AHCYL2: variants seen among roughly 807,000 people sequenced by gnomAD.
The protein encoded by AHCYL2 is S-adenosylhomocysteine hydrolase-like protein 2.
AHCYL2 carries 28 observed loss-of-function variants against 81.4 expected under a neutral mutation model. The ratio of observed to expected loss-of-function variants is 0.34; its 90% confidence interval spans 0.25 to 0.47. The LOEUF (loss-of-function observed/expected upper bound fraction) is 0.47, where lower values mean the gene tolerates loss of function less well. Ranked by LOEUF, AHCYL2 falls within the 20% of genes least tolerant of loss-of-function variation. The pLI is 1.00. For synonymous variants in AHCYL2, 272 were observed against 290.2 expected (o/e 0.94, Z 0.64); for missense variants, 551 against 785.1 (o/e 0.70, Z 3.56).
intron 1 of AHCYL2, among the ~76,000 whole-genome samples, chr7:129,304,981 C>T (rs1797382327): frequency 6.7e-6 from 1 of 148,540 alleles, no homozygotes; most frequent in Admixed American, 6.7e-5. Context: ...TTCCTATTTT[C>T]CTTTTAGTGG....
chr7:129,405,382 C>T (rs71579847), intron 8 of AHCYL2, 169 bp downstream of exon 8: 11,508 of 435,940 alleles, frequency 0.026, 221 homozygotes, highest in Admixed American at 0.065. Flanking sequence ...TTATTTTCTC[C>T]TTTGTATCTT....
chr7:129,400,177 T>C (rs17552411), intron 5 of AHCYL2, 113 bp from the exon 6 acceptor site: 195,283 of 834,924 alleles, frequency 0.23, 26,357 homozygotes, highest in Non-Finnish European at 0.28. Context: ...ATCCAAGGAG[T>C]ATAGCAGAAT....
chr7:129,233,520 G>C (rs1794522984), intron 1 of AHCYL2, among the ~76,000 whole-genome samples: 1 of 150,524 alleles, frequency 6.6e-6, no homozygotes, highest in Non-Finnish European at 1.5e-5. Context: ...ATGGAATCTT[G>C]CTCTGTCCCC....
At chr7:129,410,204 C>G (rs1227435803) in intron 11 of AHCYL2, 2 of 1,612,636 alleles carry the variant, frequency 1.2e-6, no homozygotes, top group African/African-American at 2.7e-5. Context: ...TTGTTCCCGG[C>G]TCTTGGGATC....
At chr7:129,358,765 T>G (rs1793832928) in intron 1 of AHCYL2, among the ~76,000 whole-genome samples, 1 of 151,792 alleles carries the variant, frequency 6.6e-6, no homozygotes, top group Non-Finnish European at 1.5e-5. Context: ...TTACCACAAT[T>G]TTTTTTTAAG....
chr7:129,298,219 A>G (rs1013118766), intron 1 of AHCYL2, among the ~76,000 whole-genome samples: 4 of 152,180 alleles, frequency 2.6e-5, no homozygotes, highest in African/African-American at 9.7e-5. Flanking sequence ...TTAGGTTCAT[A>G]TTATATAGGG....
In AHCYL2 at chr7:129,236,949, G is replaced by A. The variant is rs1440170075; in HGVS notation, c.363+11510G>A. Among the ~76,000 whole-genome samples the A allele has an allele frequency of 7.2e-5, 11 of 151,808 alleles. No homozygotes were observed. In the South Asian group the frequency reaches 8.3e-4, roughly 12 times the overall value. On this transcript the variant is annotated intron_variant, in intron 1 of 16. Coordinates refer to ENST00000325006, the MANE Select transcript of AHCYL2 (RefSeq NM_015328.4). ...CTGGGGATACAGCAGTAAACAAAACGGATAAAATCTCTGCCTTCGTATTGG... is the reference window on the plus strand; with the variant it reads ...CTGGGGATACAGCAGTAAACAAAACAGATAAAATCTCTGCCTTCGTATTGG...
chr7:129,359,306 G>GAC (rs1248868633), intron 1 of AHCYL2, among the ~76,000 whole-genome samples: 1 of 152,204 alleles, frequency 6.6e-6, no homozygotes, highest in African/African-American at 2.4e-5. Context: ...GATCAGTGGT[G>GAC]ACAAGAGTCA....
intron 1 of AHCYL2, among the ~76,000 whole-genome samples, chr7:129,234,315 G>T (rs2150679407): frequency 6.6e-6 from 1 of 152,148 alleles, no homozygotes; most frequent in South Asian, 2.1e-4. Flanking sequence ...CACTATCTCG[G>T]CTCACTGCAA....
At chr7:129,225,477 AG>A in intron 1 of AHCYL2, 38 bp downstream of exon 1, 1 of 1,470,284 alleles carries the variant, frequency 6.8e-7, no homozygotes, top group Admixed American at 2.5e-5. Context: ...AGAGGAAGGG[AG>A]GGGAGGGGAA....
At chr7:129,277,702 G>A (rs947355716) in intron 1 of AHCYL2, among the ~76,000 whole-genome samples, 27 of 152,134 alleles carry the variant, frequency 1.8e-4, no homozygotes, top group African/African-American at 6.5e-4. Flanking sequence ...TTGGGGAGAG[G>A]GGAGTGGGGT....
At chr7:129,413,734 C>T (rs967526333) in intron 12 of AHCYL2, 46 bp downstream of exon 12, 5 of 1,516,852 alleles carry the variant, frequency 3.3e-6, no homozygotes, top group Non-Finnish European at 4.6e-6. Context: ...CTCTCCTTCA[C>T]AAGAAGCAAA....
intron 1 of AHCYL2, among the ~76,000 whole-genome samples, chr7:129,309,010 T>C (rs1427133578): frequency 6.6e-6 from 1 of 150,696 alleles, no homozygotes; most frequent in Non-Finnish European, 1.5e-5. Context: ...ACCAGGCAGA[T>C]CACCTGAAGT....
At chr7:129,293,101 C>G (rs1796925918) in intron 1 of AHCYL2, among the ~76,000 whole-genome samples, 1 of 152,052 alleles carries the variant, frequency 6.6e-6, no homozygotes, top group South Asian at 2.1e-4. Flanking sequence ...AGGCGCTTGC[C>G]ACTGTGCCTG....
At chr7:129,327,079 G>A (rs879710654) in intron 1 of AHCYL2, among the ~76,000 whole-genome samples, 2 of 152,152 alleles carry the variant, frequency 1.3e-5, no homozygotes, top group African/African-American at 4.8e-5. Context: ...TTACTGCTAT[G>A]GACTGAATGT....
chr7:129,368,399 T>A lies in AHCYL2; in HGVS notation c.364-11239T>A. The A allele has an allele frequency of 4.4e-6, 7 of 1,595,018 alleles. No homozygotes were observed. In the South Asian group the frequency reaches 5.7e-5, roughly 13 times the overall value. ...GCCACTGTGAACTTCTGAATCTCACTAGGGTTGGGTCTGCTTTGGGGCACT... is the reference window on the plus strand; with the variant it reads ...GCCACTGTGAACTTCTGAATCTCACAAGGGTTGGGTCTGCTTTGGGGCACT... On this transcript the variant is annotated intron_variant, in intron 1 of 16. Coordinates refer to ENST00000325006, the MANE Select transcript of AHCYL2 (RefSeq NM_015328.4). The surrounding 1 kb of genome is among the most constrained non-coding windows in gnomAD (Gnocchi z 4.4).
At chr7:129,403,800 G>A (rs1796151871) in intron 7 of AHCYL2, among the ~76,000 whole-genome samples, 2 of 144,556 alleles carry the variant, frequency 1.4e-5, no homozygotes, top group Non-Finnish European at 3.0e-5. Flanking sequence ...GGCGGAGCTT[G>A]CAGTGAGCAG....
chr7:129,376,008 C>T (rs1794670408), intron 1 of AHCYL2: 3 of 1,497,844 alleles, frequency 2.0e-6, no homozygotes, highest in Non-Finnish European at 2.7e-6. Flanking sequence ...CTCTTTTTCC[C>T]CTCCTTTCCT....
chr7:129,406,572 G>C lies in AHCYL2; in HGVS notation c.1295+106G>C, dbSNP rs1584893131. ...TAGAGGAGCCCAGATCCTCAGAGAT[G>C]CTGCCACTAACTCTAAGCATCTGTC... On this transcript the variant is annotated intron_variant, in intron 10 of 16. Coordinates refer to ENST00000325006, the MANE Select transcript of AHCYL2 (RefSeq NM_015328.4). This position sits in a 1 kb window ranked among gnomAD's most constrained non-coding sequence, Gnocchi z 4.3. 4 of 1,040,546 alleles carry C rather than the reference G, an allele frequency of 3.8e-6. No homozygotes were observed. 64.5% of individuals were successfully genotyped at this position (1,040,546 alleles called of 1,614,324 possible). A position where few individuals can be genotyped will look rare whatever the true frequency, so the allele number is the denominator to read the frequency against.
Sources: allele counts gnomAD v4.1 joint callset (sites outside exome capture counted in the v4.1 genomes callset), GRCh38; gene constraint gnomAD v4.1.1; non-coding constraint Gnocchi (gnomAD v3.1); transcripts MANE v1.5; gene names NCBI Gene and HGNC (gene_info 2026-07-23, HGNC 2026-07-21).